The following STRN3 variants were observed in gnomAD, a reference collection of about 807,000 sequenced individuals.
STRN3 encodes striatin 3.
A neutral mutation model predicts 95.6 loss-of-function variants in STRN3; 29 were observed. The ratio of observed to expected loss-of-function variants is 0.30; its 90% confidence interval spans 0.23 to 0.41. STRN3 has a LOEUF of 0.41. STRN3 is among the 10% of genes least tolerant of loss of function. The probability of loss-of-function intolerance (pLI) is 1.00; values close to 1 mark genes in which losing one functional copy is unlikely to be tolerated. For missense variants in STRN3, 890 were observed against 972.1 expected (o/e 0.92, Z 1.12); for synonymous variants, 331 against 357.6 (o/e 0.93, Z 0.84).
chr14:30,909,653 T>C (rs974389516), intron 13 of STRN3, among the ~76,000 whole-genome samples: 3 of 152,096 alleles, frequency 2.0e-5, no homozygotes, highest in Non-Finnish European at 4.4e-5. Context: ...AATCTTTAAA[T>C]TTTTGGCAGA....
At chr14:30,972,760 T>C (rs566912146) in intron 1 of STRN3, among the ~76,000 whole-genome samples, 3 of 152,292 alleles carry the variant, frequency 2.0e-5, no homozygotes, top group South Asian at 4.1e-4. Flanking sequence ...GAGCTATGAT[T>C]GCGCCACTGC....
chr14:30,964,844 C>T lies in STRN3; in HGVS notation c.283-8602G>A, dbSNP rs368762577. 2.6e-5 allele frequency among the ~76,000 whole-genome samples: 4 copies of T among 151,494 alleles called. No individual in the cohort carries two copies. In the East Asian group the frequency reaches 5.8e-4, roughly 22 times the overall value. ...CTGAGGCAGGAGAATCACTTGAACT[C>T]GGAGGTGAAGGTTGCAGTGAGCCGA... On this transcript the variant is annotated intron_variant, in intron 1 of 17. Coordinates refer to ENST00000357479, the MANE Select transcript of STRN3 (RefSeq NM_001083893.2).
At chr14:30,915,774 A>G (rs1299504740) in intron 9 of STRN3, among the ~76,000 whole-genome samples, 1 of 152,212 alleles carries the variant, frequency 6.6e-6, no homozygotes, top group African/African-American at 2.4e-5. Flanking sequence ...TCACTGACAC[A>G]AATCTCAAAA....
At chr14:30,989,694 G>A (rs868013170) in intron 1 of STRN3, among the ~76,000 whole-genome samples, 5 of 152,038 alleles carry the variant, frequency 3.3e-5, no homozygotes, top group African/African-American at 4.8e-5. Flanking sequence ...TCCTGACCTC[G>A]TGATCCATCC....
At chr14:30,930,028 A>G (rs1878451999) in intron 7 of STRN3, among the ~76,000 whole-genome samples, 1 of 142,048 alleles carries the variant, frequency 7.0e-6, no homozygotes, top group Non-Finnish European at 1.5e-5. Context: ...TTTTCAGGAT[A>G]AAACTAGTGA....
intron 7 of STRN3, among the ~76,000 whole-genome samples, chr14:30,934,799 A>G (rs189279637): frequency 9.2e-5 from 14 of 152,276 alleles, no homozygotes; most frequent in African/African-American, 3.1e-4. Context: ...ACAGAGAGTT[A>G]AATCTTCCTA....
At chr14:30,996,405 T>A (rs1314455262) in intron 1 of STRN3, among the ~76,000 whole-genome samples, 2 of 152,194 alleles carry the variant, frequency 1.3e-5, no homozygotes, top group Non-Finnish European at 2.9e-5. Context: ...GGCAAACCTT[T>A]TCGATAAAGG....
chr14:30,961,499 A>G (rs1566459796), intron 1 of STRN3, among the ~76,000 whole-genome samples: 1 of 152,246 alleles, frequency 6.6e-6, no homozygotes, highest in African/African-American at 2.4e-5. Flanking sequence ...AGTGGGACGC[A>G]TTAGACGCAT....
chr14:30,956,262 A>T lies in STRN3; in HGVS notation c.283-20T>A. ...CCGGGCCTAAAAATATAAAAGATGC[A>T]TTTATTTACATTTTCCCTTAACCAT... is the stretch of plus-strand genomic sequence containing the variant. On this transcript the variant is annotated intron_variant, in intron 1 of 17. Transcript: ENST00000357479. The T allele has an allele frequency of 1.2e-6, 2 of 1,600,884 alleles. No homozygotes were observed. Among genetic ancestry groups the T allele is most frequent in the African/African-American group, 1.3e-5 (1 of 74,720 alleles).
chr14:30,910,937 AG>A, intron 13 of STRN3, 103 bp downstream of exon 13: 1 of 1,252,738 alleles, frequency 8.0e-7, no homozygotes, highest in South Asian at 1.7e-5. Flanking sequence ...GAACTAAATG[AG>A]GTGACTAATA....
chr14:30,950,379 A>G (rs995243633), intron 4 of STRN3, among the ~76,000 whole-genome samples: 1 of 152,094 alleles, frequency 6.6e-6, no homozygotes, highest in Non-Finnish European at 1.5e-5. Flanking sequence ...GGAAAATAAT[A>G]CATGAAAGAC....
intron 1 of STRN3, among the ~76,000 whole-genome samples, chr14:31,003,802 A>T (rs1319898227): frequency 1.4e-5 from 2 of 147,154 alleles, no homozygotes; most frequent in Non-Finnish European, 3.0e-5. Flanking sequence ...TTCTTAAAAA[A>T]AAAAAAAAAA....
At chr14:30,915,172 A>G (rs547114502) in intron 9 of STRN3, among the ~76,000 whole-genome samples, 1 of 152,316 alleles carries the variant, frequency 6.6e-6, no homozygotes, top group Middle Eastern at 3.4e-3. Context: ...AAAAATTCCC[A>G]TGAAAAATGA....
intron 1 of STRN3, among the ~76,000 whole-genome samples, chr14:30,992,169 G>A (rs1169140083): frequency 3.3e-5 from 5 of 152,024 alleles, no homozygotes; most frequent in East Asian, 1.9e-4. Flanking sequence ...CAGCACTTTC[G>A]GAGGCTGAGG....
intron 1 of STRN3, among the ~76,000 whole-genome samples, chr14:30,984,132 C>CCT (rs1307594379): frequency 1.8e-5 from 2 of 113,454 alleles, no homozygotes; most frequent in African/African-American, 6.1e-5. Context: ...TCCCCGCCCC[C>CCT]CCCAACCCCC....
chr14:31,002,349 G>A (rs375405920), intron 1 of STRN3, among the ~76,000 whole-genome samples: 1 of 151,334 alleles, frequency 6.6e-6, no homozygotes, highest in Non-Finnish European at 1.5e-5. Context: ...GCACACGCCT[G>A]TAATCCCATC....
chr14:30,995,340 A>G (rs1020447775), intron 1 of STRN3, among the ~76,000 whole-genome samples: 4 of 152,166 alleles, frequency 2.6e-5, no homozygotes, highest in Admixed American at 1.3e-4. Context: ...AAAAAAAAAC[A>G]AAAGAACTCC....
intron 1 of STRN3, among the ~76,000 whole-genome samples, chr14:30,997,185 A>T (rs1006877675): frequency 8.5e-5 from 13 of 152,170 alleles, no homozygotes; most frequent in Non-Finnish European, 1.8e-4. Context: ...TGGAAAAAGG[A>T]AATAACAGGG....
chr14:31,011,756 C>A (rs1422128746), intron 1 of STRN3, among the ~76,000 whole-genome samples: 1 of 152,148 alleles, frequency 6.6e-6, no homozygotes, highest in Non-Finnish European at 1.5e-5. Flanking sequence ...GAATCTCAAT[C>A]CCCAACCCTT....
Sources: gnomAD v4.1 joint callset for allele counts (sites outside exome capture counted in the v4.1 genomes callset) on GRCh38, gnomAD v4.1.1 for gene constraint, MANE v1.5 for transcripts, NCBI Gene and HGNC (gene_info 2026-07-23, HGNC 2026-07-21) for gene names.